The following B4GALT6 variants were observed in gnomAD, a reference collection of about 807,000 sequenced individuals.
B4GALT6 encodes UDP-Gal:beta-GlcNAc beta-1,4-galactosyltransferase 6.
Under a neutral mutation model 46.3 loss-of-function variants are expected in B4GALT6, and 14 were observed. The observed-to-expected ratio is 0.30, with a 90% confidence interval of 0.20 to 0.47. B4GALT6 has a LOEUF of 0.47. B4GALT6 is among the 20% of genes least tolerant of loss of function. B4GALT6 has a pLI of 0.99. For missense variants in B4GALT6, 386 were observed against 480.1 expected (o/e 0.80, Z 1.83); for synonymous variants, 168 against 162.0 (o/e 1.04, Z -0.28).
At chr18:31,710,759 C>T in the B4GALT6 span, among the ~76,000 whole-genome samples, 3,320 of 150,870 alleles carry the variant, frequency 0.022, 123 homozygotes, top group African/African-American at 0.077. Context: ...AACTAACGCA[C>T]CTTTTTAAAA....
chr18:31,689,317 A>G (rs1414553736), upstream of B4GALT6, among the ~76,000 whole-genome samples: 2 of 152,142 alleles, frequency 1.3e-5, no homozygotes, highest in Non-Finnish European at 2.9e-5. Flanking sequence ...TTTGTTCAGA[A>G]AACTATGGGG....
At chr18:31,702,809 G>A in the B4GALT6 span, among the ~76,000 whole-genome samples, 36 of 152,224 alleles carry the variant, frequency 2.4e-4, no homozygotes, top group African/African-American at 8.2e-4. Context: ...CCAAGGTGCG[G>A]GAGCCTGAGG....
chr18:31,673,464 A>T (rs1450664166), intron 1 of B4GALT6, among the ~76,000 whole-genome samples: 1 of 152,178 alleles, frequency 6.6e-6, no homozygotes, highest in Non-Finnish European at 1.5e-5. Context: ...GACAAGAGCT[A>T]GACATCCTGG....
intron 5 of B4GALT6, among the ~76,000 whole-genome samples, chr18:31,634,711 T>TA (rs1252784273): frequency 1.3e-5 from 2 of 152,228 alleles, no homozygotes; most frequent in African/African-American, 4.8e-5. Flanking sequence ...TTCAACTGCT[T>TA]AGCACTCCCT....
Position 31,625,647 on chromosome 18 carries a change from G to C in B4GALT6, c.1116C>G (p.Leu372=). The change falls in exon 9 of 9, where the codon CTC becomes CTG. Residue 372 remains leucine (L), a synonymous_variant. Coordinates refer to ENST00000306851, the MANE Select transcript of B4GALT6 (RefSeq NM_004775.5). ...DRLYTNISVN[L]MPELAPIEDY ...CTTCGATTGGAGCTAACTCTGGCAT[G>C]AGGTTTACAGATATGTTTGTATACA... 6.2e-7 allele frequency: 1 copy of C among 1,613,120 alleles called. No individual in the cohort carries two copies. The highest frequency in any genetic ancestry group is 8.5e-7 in the Non-Finnish European group (1 of 1,179,646).
chr18:31,631,120 C>T lies in B4GALT6; in HGVS notation c.615G>A (p.Ala205=), dbSNP rs770874188. 1.3e-5 allele frequency: 21 copies of T among 1,613,712 alleles called. No individual in the cohort carries two copies. The highest frequency in any genetic ancestry group is 1.2e-4 in the Admixed American group (7 of 59,960). ...EQTGTQPFNR[A]MLFNVGFKEA... ...CTTTGAAGCCCACATTGAAAAGCAT[C>T]GCACGGTTAAAAGGTTGTGTGCCAG... Residue 205 remains alanine, a synonymous_variant, in exon 6 of 9, where the codon GCG becomes GCA. Transcript: ENST00000306851.
At chr18:31,665,283 G>A (rs2074269745) in intron 2 of B4GALT6, among the ~76,000 whole-genome samples, 1 of 152,110 alleles carries the variant, frequency 6.6e-6, no homozygotes, top group Non-Finnish European at 1.5e-5. Flanking sequence ...TAATACCCTG[G>A]CAGACACTGT....
At chr18:31,684,651 G>C, upstream of B4GALT6, 1 of 1,230,452 alleles carries the variant, frequency 8.1e-7, no homozygotes, top group Non-Finnish European at 1.0e-6. Flanking sequence ...CGGAGGCCGA[G>C]GGACAAGAGG....
chr18:31,634,456 A>G (rs2073832739), intron 5 of B4GALT6, among the ~76,000 whole-genome samples: 1 of 152,172 alleles, frequency 6.6e-6, no homozygotes, highest in Non-Finnish European at 1.5e-5. Flanking sequence ...AATTGACTCT[A>G]GTCTTGTCAC....
intron 2 of B4GALT6, among the ~76,000 whole-genome samples, chr18:31,662,819 C>A (rs1253505007): frequency 6.6e-6 from 1 of 151,714 alleles, no homozygotes; most frequent in Admixed American, 6.6e-5. Context: ...TCAGCCTGGG[C>A]GACAGAGCGA....
chr18:31,708,259 T>C, the B4GALT6 span, among the ~76,000 whole-genome samples: 4 of 152,336 alleles, frequency 2.6e-5, no homozygotes, highest in East Asian at 7.7e-4. Context: ...CATTTCTTTC[T>C]AATTTTTAAA....
At chr18:31,637,390 C>CT (rs58990857) in intron 5 of B4GALT6, among the ~76,000 whole-genome samples, 18,319 of 115,820 alleles carry the variant, frequency 0.16, 1,403 homozygotes, top group African/African-American at 0.21. Context: ...GCAATGTATG[C>CT]TTTTTTTTTT....
chr18:31,698,047 C>G, the B4GALT6 span, among the ~76,000 whole-genome samples: 27 of 152,312 alleles, frequency 1.8e-4, no homozygotes, highest in East Asian at 5.2e-3. Flanking sequence ...GCTTTCCCCT[C>G]ATTCTCTCTA....
chr18:31,720,349 G>A, the B4GALT6 span, among the ~76,000 whole-genome samples: 1 of 152,238 alleles, frequency 6.6e-6, no homozygotes, highest in Non-Finnish European at 1.5e-5. Context: ...TCCCTGGGAA[G>A]GGGCAAAGAG....
chr18:31,624,469 A>G lies in B4GALT6; in HGVS notation c.*1145T>C, dbSNP rs1000213964. On this transcript the variant is annotated 3_prime_UTR_variant, in exon 9 of 9. Coordinates refer to ENST00000306851, the MANE Select transcript of B4GALT6 (RefSeq NM_004775.5). ...AACTAACATTCAAGGGTCCCCTCCA[A>G]AAGTGAAATTCTATGTCTGAAAACT... 1 of 152,056 alleles carries G rather than the reference A, an allele frequency of 6.6e-6. No individual in the cohort carries two copies. Among genetic ancestry groups the G allele is most frequent in the Non-Finnish European group, 1.5e-5 (1 of 67,922 alleles). 9.4% of individuals were successfully genotyped at this position (152,056 alleles called of 1,614,324 possible).
chr18:31,674,637 T>C (rs1276221248), intron 1 of B4GALT6, among the ~76,000 whole-genome samples: 1 of 152,228 alleles, frequency 6.6e-6, no homozygotes, highest in African/African-American at 2.4e-5. Flanking sequence ...AAAATTTTTC[T>C]TCTTTCCACA....
At chr18:31,647,396 G>A (rs2074003738) in intron 3 of B4GALT6, among the ~76,000 whole-genome samples, 1 of 152,136 alleles carries the variant, frequency 6.6e-6, no homozygotes, top group Non-Finnish European at 1.5e-5. Context: ...TCCCTCAATA[G>A]AGAGGGCTTC....
Position 31,625,764 on chromosome 18 carries a change from A to G in B4GALT6, c.1002-3T>C. Reference sequence around the variant, plus strand: ...TGGAATACCTTAGTAATTTATACCTATAGTTTTAGAGGAAAAAACAAAAAA... The same window carrying G: ...TGGAATACCTTAGTAATTTATACCTGTAGTTTTAGAGGAAAAAACAAAAAA... On this transcript the variant is annotated splice_polypyrimidine_tract_variant and splice_region_variant and intron_variant, in intron 8 of 8. Coordinates refer to ENST00000306851, the MANE Select transcript of B4GALT6 (RefSeq NM_004775.5). The G allele has an allele frequency of 6.4e-7, 1 of 1,574,686 alleles. No individual in the cohort carries two copies. Among genetic ancestry groups the G allele is most frequent in the South Asian group, 1.2e-5 (1 of 84,820 alleles).
At chr18:31,722,332 A>G in the B4GALT6 span, among the ~76,000 whole-genome samples, 2 of 152,230 alleles carry the variant, frequency 1.3e-5, no homozygotes, top group Non-Finnish European at 2.9e-5. Context: ...GGAAGAATAC[A>G]TAAGGAATTG....
Sources: allele counts gnomAD v4.1 joint callset (sites outside exome capture counted in the v4.1 genomes callset), GRCh38; gene constraint gnomAD v4.1.1; transcripts MANE v1.5; gene names NCBI Gene and HGNC (gene_info 2026-07-23, HGNC 2026-07-21).